OTOF: variants seen among roughly 807,000 people sequenced by gnomAD.
The protein encoded by OTOF is fer-1-like family member 2.
In OTOF, 218 loss-of-function variants were observed where a neutral mutation model predicts 236.8. The ratio of observed to expected loss-of-function variants is 0.92; its 90% CI spans 0.82 to 1.03. The LOEUF (loss-of-function observed/expected upper bound fraction) is 1.03, where lower values mean the gene tolerates loss of function less well. Among genes scored for constraint, OTOF ranks in the 50% least tolerant of loss-of-function variants. The probability of loss-of-function intolerance (pLI) is 0.00; values close to 1 mark genes in which losing one functional copy is unlikely to be tolerated. For synonymous variants in OTOF, 1,041 were observed against 1,072.5 expected, an observed-to-expected ratio of 0.97 and a Z score of 0.57; for missense variants, 2,590 against 2,694.4, an observed-to-expected ratio of 0.96 and a Z score of 0.86.
intron 1 of OTOF, among the ~76,000 whole-genome samples, chr2:26,543,786 C>T (rs1016696622): frequency 3.3e-5 from 5 of 152,090 alleles, no homozygotes; most frequent in Non-Finnish European, 5.9e-5. Flanking sequence ...GCGTAATCTC[C>T]GCTCACTGCA....
chr2:26,474,422 GCCCCAGCCTTCAGGGTCCAGC>G, intron 26 of OTOF, 70 bp downstream of exon 26: 3 of 693,280 alleles, frequency 4.3e-6, no homozygotes, highest in Non-Finnish European at 6.5e-6. Context: ...CAGACCCCAG[GCCCCAGCCTTCAGGGTCCAGC>G]CCCCAGCCCT....
intron 29 of OTOF, 125 bp from the exon 30 acceptor site, chr2:26,472,774 G>A: frequency 2.1e-6 from 2 of 961,128 alleles, no homozygotes; most frequent in South Asian, 2.8e-5. Context: ...GAGGGGGACA[G>A]GCAGTCAAGG....
chr2:26,526,308 TG>T (rs1013216162), intron 3 of OTOF, among the ~76,000 whole-genome samples: 1 of 151,088 alleles, frequency 6.6e-6, no homozygotes, highest in African/African-American at 2.4e-5. Context: ...AATGAAAGGA[TG>T]GACGGATGAA....
rs186428496 is a variant in OTOF, at chr2:26,528,408, C to G, written c.139-488G>C. Reference sequence around the variant, plus strand: ...AGAATCACCCTGACTGGCACAGGCTCTGCCCCAGACTCCTGTGTTGAGTTC... The same window carrying G: ...AGAATCACCCTGACTGGCACAGGCTGTGCCCCAGACTCCTGTGTTGAGTTC... On this transcript the variant is annotated intron_variant, in intron 2 of 46. Coordinates refer to ENST00000272371, the MANE Select transcript of OTOF (RefSeq NM_194248.3). 2.5e-3 allele frequency among the ~76,000 whole-genome samples: 380 copies of G among 152,334 alleles called. 1 individual carries two copies. The highest frequency in any genetic ancestry group is 3.6e-3 in the Non-Finnish European group (245 of 68,040).
At chr2:26,463,599 C>T in intron 40 of OTOF, 28 bp from the exon 41 acceptor site, 1 of 1,537,892 alleles carries the variant, frequency 6.5e-7, no homozygotes, top group African/African-American at 1.4e-5. Flanking sequence ...GGCAGATCTC[C>T]CAGGGCCTTC....
At position 26,462,081 on chromosome 2, in the gene OTOF, A is replaced by G; in HGVS notation, c.5291+2T>C. On this transcript the variant is annotated splice_donor_variant, in intron 42 of 46. Transcript: ENST00000272371. LOFTEE classifies it high-confidence loss of function. The surrounding 1 kb of genome is among the most constrained non-coding windows in gnomAD (Gnocchi z 4.7). ...CCTCCCATGCAGGGACTGCTCACCCACCCCCTCACGAAGATGTCACTGGAC... is the reference window on the plus strand; with the variant it reads ...CCTCCCATGCAGGGACTGCTCACCCGCCCCCTCACGAAGATGTCACTGGAC... 1.6e-6 allele frequency: 2 copies of G among 1,264,222 alleles called. No homozygotes were observed. Among genetic ancestry groups the G allele is most frequent in the Non-Finnish European group, 2.2e-6 (2 of 896,586 alleles). The allele number at this position is 1,264,222 out of a possible 1,614,324, so 78.3% of individuals were successfully genotyped here. A position where few individuals can be genotyped will look rare whatever the true frequency, so the allele number is the denominator to read the frequency against.
chr2:26,485,220 A>C (rs1269974954), intron 11 of OTOF, among the ~76,000 whole-genome samples: 1 of 152,190 alleles, frequency 6.6e-6, no homozygotes, highest in African/African-American at 2.4e-5. Flanking sequence ...TGAGCTTGGA[A>C]TGCCCTCATT....
intron 5 of OTOF, among the ~76,000 whole-genome samples, chr2:26,505,516 AT>A (rs1189802618): frequency 2.0e-5 from 3 of 152,154 alleles, no homozygotes; most frequent in Non-Finnish European, 4.4e-5. Flanking sequence ...ATGTCTGCAG[AT>A]GTCTGCTCAT....
At chr2:26,525,209 C>T (rs1037465152) in intron 3 of OTOF, among the ~76,000 whole-genome samples, 17 of 152,210 alleles carry the variant, frequency 1.1e-4, no homozygotes, top group Non-Finnish European at 1.0e-4. Flanking sequence ...AACATCCTCC[C>T]TGTGGCCCTG....
Position 26,457,955 on chromosome 2 carries a change from C to T in OTOF, c.*283G>A, listed in dbSNP as rs1437841776. 7.2e-6 allele frequency: 10 copies of T among 1,382,052 alleles called. No homozygotes were observed. In the East Asian group the frequency reaches 2.1e-4, roughly 29 times the overall value. The allele number at this position is 1,382,052 out of a possible 1,614,324, so 85.6% of individuals were successfully genotyped here. On this transcript the variant is annotated 3_prime_UTR_variant, in exon 47 of 47. Transcript: ENST00000272371. This position sits in a 1 kb window ranked among gnomAD's most constrained non-coding sequence, Gnocchi z 4.4. ...AAGAGTGGACGCTGGGCTCCTCAGGCTCCCCAGGGGAGATGGGAAAGAGTC... is the reference window on the plus strand; with the variant it reads ...AAGAGTGGACGCTGGGCTCCTCAGGTTCCCCAGGGGAGATGGGAAAGAGTC...
intron 1 of OTOF, among the ~76,000 whole-genome samples, chr2:26,547,610 C>T (rs1322881888): frequency 6.6e-6 from 1 of 152,176 alleles, no homozygotes; most frequent in East Asian, 1.9e-4. Context: ...CCGATATGGG[C>T]AGATCACTTG....
At chr2:26,531,086 C>T (rs1007805661) in intron 2 of OTOF, among the ~76,000 whole-genome samples, 2 of 152,170 alleles carry the variant, frequency 1.3e-5, no homozygotes, top group Non-Finnish European at 2.9e-5. Context: ...TGGGGATTCC[C>T]CTTCCTAGCA....
At chr2:26,518,247 G>T (rs1666584328) in intron 4 of OTOF, among the ~76,000 whole-genome samples, 1 of 152,236 alleles carries the variant, frequency 6.6e-6, no homozygotes, top group Admixed American at 6.5e-5. Context: ...TAGATTTATT[G>T]TGCATATCTG....
At chr2:26,499,299 G>C (rs1189382223) in intron 8 of OTOF, among the ~76,000 whole-genome samples, 1 of 151,956 alleles carries the variant, frequency 6.6e-6, no homozygotes, top group South Asian at 2.1e-4. Context: ...GGTACGCCGC[G>C]GTCCTTTTAC....
Position 26,458,439 on chromosome 2 carries a change from C to T in OTOF, c.*18-219G>A, listed in dbSNP as rs547837362. ...AGCACCTTTGGGGCCCGAATCTCCT[C>T]CTAAGGCCTAGATGGGAGCTACTTG... On this transcript the variant is annotated intron_variant, in intron 46 of 46. Coordinates refer to ENST00000272371, the MANE Select transcript of OTOF (RefSeq NM_194248.3). 6.2e-4 allele frequency among the ~76,000 whole-genome samples: 95 copies of T among 152,356 alleles called. 1 individual carries two copies. Among genetic ancestry groups the T allele is most frequent in the African/African-American group, 2.2e-3 (92 of 41,578 alleles).
chr2:26,516,859 T>G (rs1666542138), intron 4 of OTOF, among the ~76,000 whole-genome samples: 2 of 152,074 alleles, frequency 1.3e-5, no homozygotes, highest in African/African-American at 4.8e-5. Flanking sequence ...TCCCTGGTGC[T>G]CAAGGTGGAG....
At position 26,459,933 on chromosome 2, in the gene OTOF, TGTGC is replaced by T. The variant is rs1269545757; in HGVS notation, c.*17+71_*17+74del. ...GTATGCATATTTGTGTTTGTGGATG[TGTGC>T]GTGTATATGTGTGTGTGTGCACGCG... On this transcript the variant is annotated intron_variant, in intron 46 of 46. Coordinates refer to ENST00000272371, the MANE Select transcript of OTOF (RefSeq NM_194248.3). 3 of 1,350,310 alleles carry T rather than the reference TGTGC, an allele frequency of 2.2e-6. No individual in the cohort carries two copies. The African/African-American group carries it at 4.4e-5, about 20-fold the overall frequency. The allele number at this position is 1,350,310 out of a possible 1,614,324, so 83.6% of individuals were successfully genotyped here. A position where few individuals can be genotyped will look rare whatever the true frequency, so the allele number is the denominator to read the frequency against.
At chr2:26,518,163 A>T (rs1343352667) in intron 4 of OTOF, among the ~76,000 whole-genome samples, 1 of 152,214 alleles carries the variant, frequency 6.6e-6, no homozygotes, top group Non-Finnish European at 1.5e-5. Context: ...ACAGGACCCC[A>T]CTGGGGGACC....
rs754515481 is a variant in OTOF, at chr2:26,460,206, C to T, written c.5814-1G>A. 2 of 1,599,822 alleles carry T rather than the reference C, an allele frequency of 1.3e-6. No homozygotes were observed. The highest frequency in any genetic ancestry group is 1.1e-5 in the South Asian group (1 of 88,732). The stretch of plus-strand genomic sequence containing the variant: ...CCAGATGAAGCTCGTGTCGGGCCGG[C>T]TGGAGTATGAAGGGTAGAGAGCGCA... On this transcript the variant is annotated splice_acceptor_variant, in intron 45 of 46. Coordinates refer to ENST00000272371, the MANE Select transcript of OTOF (RefSeq NM_194248.3). LOFTEE classifies it high-confidence loss of function. This position sits in a 1 kb window ranked among gnomAD's most constrained non-coding sequence, Gnocchi z 5.3.
Sources: gnomAD v4.1 joint callset for allele counts (sites outside exome capture counted in the v4.1 genomes callset) on GRCh38, gnomAD v4.1.1 for gene constraint, Gnocchi (gnomAD v3.1) non-coding constraint, MANE v1.5 for transcripts, NCBI Gene and HGNC (gene_info 2026-07-23, HGNC 2026-07-21) for gene names.